The following LMNB1 variants were observed in gnomAD, a reference collection of about 807,000 sequenced individuals.
The protein encoded by LMNB1 is lamin B1.
A neutral mutation model predicts 67.1 loss-of-function variants in LMNB1; 23 were observed. That is an observed-to-expected ratio of 0.34 (90% CI 0.25 to 0.49). The LOEUF (loss-of-function observed/expected upper bound fraction) is 0.49. LMNB1 is among the 20% of genes least tolerant of loss of function. The probability of loss-of-function intolerance (pLI) is 0.99; values close to 1 mark genes in which losing one functional copy is unlikely to be tolerated. For missense variants in LMNB1, 634 were observed against 746.5 expected, an observed-to-expected ratio of 0.85 and a Z score of 1.76; for synonymous variants, 281 against 282.9, an observed-to-expected ratio of 0.99 and a Z score of 0.07.
chr5:126,806,779 A>AG (rs1484563662), intron 3 of LMNB1, among the ~76,000 whole-genome samples: 1 of 138,226 alleles, frequency 7.2e-6, no homozygotes, highest in African/African-American at 2.5e-5. Context: ...ATAGGCGTGT[A>AG]AATTTTTTTT....
chr5:126,796,361 TGAGA>T (rs1280638972), intron 1 of LMNB1, among the ~76,000 whole-genome samples: 1 of 151,186 alleles, frequency 6.6e-6, no homozygotes, highest in Non-Finnish European at 1.5e-5. Context: ...ACCCAGGGAG[TGAGA>T]GAGAGTCATC....
At chr5:126,780,682 T>G (rs573083971) in intron 1 of LMNB1, among the ~76,000 whole-genome samples, 2 of 152,338 alleles carry the variant, frequency 1.3e-5, no homozygotes, top group East Asian at 3.9e-4. Context: ...TGGGATTATA[T>G]TTTTCTTAAG....
chr5:126,789,778 A>G (rs1468890680), intron 1 of LMNB1, among the ~76,000 whole-genome samples: 2 of 151,834 alleles, frequency 1.3e-5, no homozygotes, highest in African/African-American at 4.8e-5. Context: ...GTTTCAAGTG[A>G]TTCTCCTGCC....
At chr5:126,834,694 G>A (rs965651454) in intron 10 of LMNB1, among the ~76,000 whole-genome samples, 1 of 152,152 alleles carries the variant, frequency 6.6e-6, no homozygotes, top group Non-Finnish European at 1.5e-5. Context: ...GGCTAACACG[G>A]TGAAACCCCG....
At chr5:126,825,607 G>A (rs1000688412) in intron 8 of LMNB1, among the ~76,000 whole-genome samples, 10 of 152,174 alleles carry the variant, frequency 6.6e-5, no homozygotes, top group African/African-American at 1.9e-4. Flanking sequence ...CACTGAGTTA[G>A]CCAGCCACTG....
chr5:126,787,548 T>TATATATATATA (rs1348320183), intron 1 of LMNB1, among the ~76,000 whole-genome samples: 16 of 63,536 alleles, frequency 2.5e-4, no homozygotes, highest in African/African-American at 1.1e-3. Context: ...ATATATATAT[T>TATATATATATA]TTTTTTTTTT....
At chr5:126,795,932 G>GTTTTTTTTTTT (rs1561739969) in intron 1 of LMNB1, among the ~76,000 whole-genome samples, 6 of 41,872 alleles carry the variant, frequency 1.4e-4, no homozygotes, top group Non-Finnish European at 3.4e-4. Flanking sequence ...GGCCCAGGAT[G>GTTTTTTTTTTT]CTTTTTTTTT....
At chr5:126,801,047 G>A (rs552444536) in intron 1 of LMNB1, among the ~76,000 whole-genome samples, 6 of 122,734 alleles carry the variant, frequency 4.9e-5, no homozygotes, top group Admixed American at 8.9e-5. Context: ...GCAGTGGCAC[G>A]ATCAGGGCTC....
chr5:126,800,982 A>ATATATAATTTTTTTTTTTTTTT, intron 1 of LMNB1, among the ~76,000 whole-genome samples: 14 of 18,634 alleles, frequency 7.5e-4, no homozygotes, highest in Non-Finnish European at 1.3e-3. Context: ...TATATATATA[A>ATATATAATTTTTTTTTTTTTTT]TTTTTTTTTT....
chr5:126,804,810 C>A lies in LMNB1; in HGVS notation c.394C>A (p.Gln132Lys), dbSNP rs760058816. ...GAAGGAATCTGATCTTAATGGCGCC[C>A]AGATCAAGCTTCGAGAATATGAAGC... The part of the protein sequence containing the change: ...AKKESDLNGA[Q>K]IKLREYEAAL... Residue 132 changes from glutamine (Q) to lysine (K), a missense_variant, in exon 2 of 11, where the codon CAG (glutamine) becomes AAG (lysine). Physicochemically the swap from Gln to Lys is moderately conservative, Grantham distance 53. Coordinates refer to ENST00000261366, the MANE Select transcript of LMNB1 (RefSeq NM_005573.4). 2 of 1,613,984 alleles carry A rather than the reference C, an allele frequency of 1.2e-6. No individual in the cohort carries two copies. Among genetic ancestry groups the A allele is most frequent in the Non-Finnish European group, 1.7e-6 (2 of 1,179,954 alleles).
chr5:126,779,787 CT>C (rs1750578529), intron 1 of LMNB1, among the ~76,000 whole-genome samples: 1 of 152,080 alleles, frequency 6.6e-6, no homozygotes, highest in Non-Finnish European at 1.5e-5. Context: ...AATCCCAGCA[CT>C]TTGGGAGGCC....
At chr5:126,827,753 A>G (rs1346142314) in intron 9 of LMNB1, among the ~76,000 whole-genome samples, 2 of 152,242 alleles carry the variant, frequency 1.3e-5, no homozygotes, top group African/African-American at 4.8e-5. Flanking sequence ...CAAAGGAAGT[A>G]GAAGATGCAG....
In LMNB1 at chr5:126,836,883, TGAG is replaced by T; in HGVS notation, c.*624_*626del. ...CTTCTTCTCTTAGATTCTTAATTCA[TGAG>T]GAGGGTGGGGGAGGGAGGTGGAGGG... On this transcript the variant is annotated 3_prime_UTR_variant, in exon 11 of 11. Coordinates refer to ENST00000261366, the MANE Select transcript of LMNB1 (RefSeq NM_005573.4). The T allele has an allele frequency of 6.3e-6, 1 of 158,454 alleles. No individual in the cohort carries two copies. Among genetic ancestry groups the T allele is most frequent in the Non-Finnish European group, 1.1e-5 (1 of 91,020 alleles). The allele number at this position is 158,454 out of a possible 1,614,324, so 9.8% of individuals were successfully genotyped here.
intron 1 of LMNB1, among the ~76,000 whole-genome samples, chr5:126,795,347 AG>A (rs1395146645): frequency 6.6e-6 from 1 of 152,114 alleles, no homozygotes; most frequent in Non-Finnish European, 1.5e-5. Context: ...CATGTTGCCC[AG>A]GGTGGTCTCG....
chr5:126,786,620 C>G (rs761894022), intron 1 of LMNB1, among the ~76,000 whole-genome samples: 22 of 152,164 alleles, frequency 1.4e-4, no homozygotes, highest in Non-Finnish European at 2.8e-4. Context: ...AGGTATTACT[C>G]TGGTTTACCG....
chr5:126,785,727 C>T (rs973358198), intron 1 of LMNB1, among the ~76,000 whole-genome samples: 3 of 95,982 alleles, frequency 3.1e-5, no homozygotes, highest in African/African-American at 1.1e-4. Flanking sequence ...TGGGCCCAAC[C>T]CTTAGGTTGG....
chr5:126,796,857 A>G (rs1751109340), intron 1 of LMNB1, among the ~76,000 whole-genome samples: 2 of 135,688 alleles, frequency 1.5e-5, no homozygotes, highest in African/African-American at 2.8e-5. Context: ...GCACGATCTC[A>G]GCTCACTGCA....
chr5:126,804,555 A>G (rs532829523), intron 1 of LMNB1, among the ~76,000 whole-genome samples: 2 of 152,300 alleles, frequency 1.3e-5, no homozygotes, highest in African/African-American at 4.8e-5. Context: ...TTTAATATGG[A>G]CGTCTTTGAC....
At position 126,777,187 on chromosome 5, in the gene LMNB1, G is replaced by A. The variant is rs1006693171; in HGVS notation, c.-322G>A. ...AGTGCTGCGAGCAGGAGACGGCGGC[G>A]GCGCGAACCCTGCTGGGCCTCCAGT... On this transcript the variant is annotated 5_prime_UTR_variant, in exon 1 of 11. Coordinates refer to ENST00000261366, the MANE Select transcript of LMNB1 (RefSeq NM_005573.4). 2.5e-5 allele frequency: 6 copies of A among 243,464 alleles called. No homozygotes were observed. The highest frequency in any genetic ancestry group is 1.7e-4 in the Admixed American group (3 of 17,740). 15.1% of individuals were successfully genotyped at this position (243,464 alleles called of 1,614,324 possible).
Sources: allele counts gnomAD v4.1 joint callset (sites outside exome capture counted in the v4.1 genomes callset), GRCh38; gene constraint gnomAD v4.1.1; transcripts MANE v1.5; gene names NCBI Gene and HGNC (gene_info 2026-07-23, HGNC 2026-07-21).